The following DNAH14 variants were observed in gnomAD, a reference collection of about 807,000 sequenced individuals.
The protein encoded by DNAH14 is dynein axonemal heavy chain 14, also known as axonemal beta dynein heavy chain 14.
In DNAH14, 478 loss-of-function variants were observed where a neutral mutation model predicts 520.9. The ratio of observed to expected loss-of-function variants is 0.92; its 90% confidence interval spans 0.85 to 0.99. The LOEUF is 0.99. Among genes scored for constraint, DNAH14 ranks in the 50% least tolerant of loss-of-function variants. The probability of loss-of-function intolerance (pLI) is 0.00; values close to 1 mark genes in which losing one functional copy is unlikely to be tolerated. For synonymous variants in DNAH14, 1,581 were observed against 1,757.2 expected (o/e 0.90, Z 2.51); for missense variants, 4,831 against 5,234.5 (o/e 0.92, Z 2.38).
intron 1 of DNAH14, among the ~76,000 whole-genome samples, chr1:224,932,738 A>G (rs1425193398): frequency 2.0e-5 from 3 of 152,054 alleles, no homozygotes; most frequent in Non-Finnish European, 2.9e-5. Context: ...TCAGTTGGCT[A>G]TAAATATGTG....
intron 7 of DNAH14, among the ~76,000 whole-genome samples, chr1:224,970,640 G>A (rs189399866): frequency 4.6e-3 from 696 of 152,116 alleles, no homozygotes; most frequent in Non-Finnish European, 8.6e-3. Context: ...CAGACTGGCC[G>A]ACACTTAGGG....
chr1:225,115,003 G>C (rs1391657071), intron 23 of DNAH14, among the ~76,000 whole-genome samples: 2 of 152,196 alleles, frequency 1.3e-5, no homozygotes, highest in Admixed American at 6.5e-5. Context: ...TGTTATATCT[G>C]TGGGGAGCAC....
intron 8 of DNAH14, among the ~76,000 whole-genome samples, chr1:224,988,019 C>T (rs2062766387): frequency 6.6e-6 from 1 of 152,104 alleles, no homozygotes; most frequent in Admixed American, 6.6e-5. Context: ...TTAAGCCCAG[C>T]ATGCATTAGC....
chr1:225,057,311 G>A (rs2939365), intron 17 of DNAH14, among the ~76,000 whole-genome samples: 121,174 of 152,146 alleles, frequency 0.8, 51,674 homozygotes, highest in Non-Finnish European at 0.96. Flanking sequence ...ATGGAAGTTC[G>A]CTCATGATTT....
chr1:225,279,741 T>C lies in DNAH14; in HGVS notation c.8271+2239T>C, dbSNP rs185671023. 3.9e-5 allele frequency among the ~76,000 whole-genome samples: 6 copies of C among 152,096 alleles called. No individual in the cohort carries two copies. The East Asian group carries it at 1.2e-3, about 29-fold the overall frequency. ...AATCTGTCACATAAATGTTCAGTTTTTAACAAAAATTACAAGACATGAAAA... is the reference window on the plus strand; with the variant it reads ...AATCTGTCACATAAATGTTCAGTTTCTAACAAAAATTACAAGACATGAAAA... On this transcript the variant is annotated intron_variant, in intron 54 of 85. Transcript: ENST00000682510.
intron 20 of DNAH14, 32 bp downstream of exon 20, chr1:225,082,771 T>A: frequency 6.6e-7 from 1 of 1,520,440 alleles, no homozygotes; most frequent in African/African-American, 1.4e-5. Context: ...AAAAAATAGG[T>A]TGAAATACCA....
chr1:224,945,262 C>T (rs2059720773), intron 1 of DNAH14, among the ~76,000 whole-genome samples: 1 of 152,126 alleles, frequency 6.6e-6, no homozygotes. Context: ...ATCACGGATA[C>T]TCTTCCTTCC....
chr1:224,960,322 C>T lies in DNAH14; in HGVS notation c.367+20C>T. Reference sequence around the variant, plus strand: ...GAACAGGTATGTGGTATCACTGAACCAATTGCTTAGAAATCACTATACTTT... The same window carrying T: ...GAACAGGTATGTGGTATCACTGAACTAATTGCTTAGAAATCACTATACTTT... On this transcript the variant is annotated intron_variant, in intron 4 of 85. Transcript: ENST00000682510. 6.6e-7 allele frequency: 1 copy of T among 1,524,910 alleles called. No individual in the cohort carries two copies. The highest frequency in any genetic ancestry group is 8.8e-7 in the Non-Finnish European group (1 of 1,138,530). 94.5% of individuals were successfully genotyped at this position (1,524,910 alleles called of 1,614,324 possible).
At chr1:225,352,447 A>T (rs889613889) in intron 72 of DNAH14, among the ~76,000 whole-genome samples, 3 of 152,140 alleles carry the variant, frequency 2.0e-5, no homozygotes, top group African/African-American at 7.2e-5. Context: ...AAACATCCTT[A>T]TACATTTTTC....
chr1:225,197,597 C>G (rs184101506), intron 38 of DNAH14, among the ~76,000 whole-genome samples: 4 of 151,880 alleles, frequency 2.6e-5, no homozygotes, highest in Non-Finnish European at 5.9e-5. Flanking sequence ...GGTATTTTGA[C>G]GGAAATTGTG....
At chr1:225,350,370 A>T (rs955831847) in intron 71 of DNAH14, among the ~76,000 whole-genome samples, 4 of 152,108 alleles carry the variant, frequency 2.6e-5, no homozygotes, top group African/African-American at 9.7e-5. Context: ...GAAAAACAAC[A>T]TATTAAACCC....
chr1:225,120,942 C>A (rs1344631423), intron 26 of DNAH14, among the ~76,000 whole-genome samples: 1 of 152,108 alleles, frequency 6.6e-6, no homozygotes, highest in African/African-American at 2.4e-5. Flanking sequence ...ATTTTAGATG[C>A]AAATTTTATT....
intron 52 of DNAH14, among the ~76,000 whole-genome samples, chr1:225,274,197 A>ATTTTTTTTT (rs869247051): frequency 2.4e-4 from 22 of 92,886 alleles, no homozygotes; most frequent in African/African-American, 5.2e-4. Flanking sequence ...AGCATCTGTT[A>ATTTTTTTTT]TTTTTTTTTT....
rs1368369050 is a variant in DNAH14, at chr1:225,276,057, G to T, written c.8154G>T (p.Met2718Ile). The T allele has an allele frequency of 5.6e-6, 2 of 357,554 alleles. No homozygotes were observed. Among genetic ancestry groups the T allele is most frequent in the South Asian group, 2.5e-5 (1 of 40,432 alleles). 22.1% of individuals were successfully genotyped at this position (357,554 alleles called of 1,614,324 possible). A position where few individuals can be genotyped will look rare whatever the true frequency, so the allele number is the denominator to read the frequency against. ...KLASVLDEFQMKLGSISLELS... is the reference protein window; with the variant it reads ...KLASVLDEFQIKLGSISLELS... ...CCAGTGTACTTGATGAATTCCAAAT[G>T]AAGTTGGGTTCAATTTCTTTGGAGG... Residue 2718 changes from methionine to isoleucine, a missense_variant, in exon 53 of 86, where the codon ATG becomes ATT. By Grantham distance (10) the Met-to-Ile change is conservative (BLOSUM62 1). Transcript: ENST00000682510.
chr1:225,269,412 G>A (rs1311191225), intron 49 of DNAH14, among the ~76,000 whole-genome samples: 1 of 152,158 alleles, frequency 6.6e-6, no homozygotes, highest in African/African-American at 2.4e-5. Context: ...TCAGGACATA[G>A]GCATGGCCAA....
chr1:225,207,206 G>A lies in DNAH14; in HGVS notation c.6425G>A (p.Gly2142Glu), dbSNP rs1419208518. The stretch of plus-strand genomic sequence containing the variant: ...TTCTTTGACTTCATGGGTAAAAATG[G>A]AGGATTTGAACAAAGTGAGTTTTTT... Reference protein sequence around the residue: ...DAFFDFMGKNGGFEQSDDLND... With the variant: ...DAFFDFMGKNEGFEQSDDLND... The change falls in exon 41 of 86, where the codon GGA becomes GAA. Residue 2142 changes from glycine (G) to glutamate (E), a missense_variant. Physicochemically the swap from Gly to Glu is moderately conservative, Grantham distance 98. Coordinates refer to ENST00000682510, the MANE Select transcript of DNAH14 (RefSeq NM_001367479.1). 3 of 1,526,352 alleles carry A rather than the reference G, an allele frequency of 2.0e-6. No individual in the cohort carries two copies. The South Asian group carries it at 3.7e-5, about 19-fold the overall frequency. The allele number at this position is 1,526,352 out of a possible 1,614,324, so 94.6% of individuals were successfully genotyped here. A position where few individuals can be genotyped will look rare whatever the true frequency, so the allele number is the denominator to read the frequency against.
At position 225,100,719 on chromosome 1, in the gene DNAH14, C is replaced by A; in HGVS notation, c.3702C>A (p.Leu1234=). The A allele has an allele frequency of 2.0e-6, 3 of 1,493,736 alleles. No individual in the cohort carries two copies. The highest frequency in any genetic ancestry group is 2.8e-5 in the South Asian group (2 of 72,524). The allele number at this position is 1,493,736 out of a possible 1,614,324, so 92.5% of individuals were successfully genotyped here. The change falls in exon 23 of 86, where the codon CTC becomes CTA. Residue 1234 remains leucine (L), a synonymous_variant. Coordinates refer to ENST00000682510, the MANE Select transcript of DNAH14 (RefSeq NM_001367479.1). ...VFHSSEIRRQ[L]PAETELFSQV... is the part of the protein sequence containing the mutation. ...TCTAATTTTTTTTCTAAAGGCAACTCCCAGCAGAAACAGAACTTTTCTCTC... is the reference window on the plus strand; with the variant it reads ...TCTAATTTTTTTTCTAAAGGCAACTACCAGCAGAAACAGAACTTTTCTCTC...
chr1:225,038,387 A>G lies in DNAH14; in HGVS notation c.1359-307A>G, dbSNP rs369841345. ...GCTTGGTGGTCTGTACTCTCCTTGTACTTCCAACCCTAGCCAACATTTATT... is the reference window on the plus strand; with the variant it reads ...GCTTGGTGGTCTGTACTCTCCTTGTGCTTCCAACCCTAGCCAACATTTATT... On this transcript the variant is annotated intron_variant, in intron 11 of 85. Transcript: ENST00000682510. Among the ~76,000 whole-genome samples the G allele has an allele frequency of 3.3e-5, 5 of 151,112 alleles. No homozygotes were observed. In the South Asian group the frequency reaches 1.1e-3, roughly 32 times the overall value.
chr1:225,247,390 TA>T (rs2092346452), intron 43 of DNAH14, among the ~76,000 whole-genome samples: 2 of 151,588 alleles, frequency 1.3e-5, no homozygotes, highest in African/African-American at 4.9e-5. Context: ...ACTTAAAGAA[TA>T]ATAAAAAAAA....
Sources: gnomAD v4.1 joint callset for allele counts (sites outside exome capture counted in the v4.1 genomes callset) on GRCh38, gnomAD v4.1.1 for gene constraint, MANE v1.5 for transcripts, NCBI Gene and HGNC (gene_info 2026-07-23, HGNC 2026-07-21) for gene names.